NID1: variants seen among roughly 807,000 people sequenced by gnomAD.
NID1 encodes nidogen 1.
In NID1, 76 loss-of-function variants were observed where a neutral mutation model predicts 130.6. That is an observed-to-expected ratio of 0.58 (90% CI 0.48 to 0.70). The LOEUF is 0.70. NID1 is among the 30% of genes least tolerant of loss of function. NID1 has a pLI of 0.00. For missense variants in NID1, 1,517 were observed against 1,664.8 expected (o/e 0.91, Z 1.54); for synonymous variants, 665 against 675.1 (o/e 0.98, Z 0.23).
intron 1 of NID1, among the ~76,000 whole-genome samples, chr1:236,062,159 T>C (rs1660055638): frequency 6.6e-6 from 1 of 152,196 alleles, no homozygotes; most frequent in African/African-American, 2.4e-5. Flanking sequence ...AAAGACACCT[T>C]TTTATGGCCG....
At chr1:236,063,153 CAAAAA>C (rs57769010) in intron 1 of NID1, among the ~76,000 whole-genome samples, 23 of 79,688 alleles carry the variant, frequency 2.9e-4, no homozygotes, top group South Asian at 1.9e-3. Flanking sequence ...GACTTCATCT[CAAAAA>C]AAAAAAAAAA....
chr1:235,985,614 G>A, intron 14 of NID1, 109 bp from the exon 15 acceptor site: 1 of 1,309,674 alleles, frequency 7.6e-7, no homozygotes, highest in South Asian at 1.4e-5. Context: ...GAAGTGTCAA[G>A]TGTTTTGTTC....
At chr1:236,004,266 C>A (rs530848948) in intron 12 of NID1, among the ~76,000 whole-genome samples, 1 of 152,168 alleles carries the variant, frequency 6.6e-6, no homozygotes, top group African/African-American at 2.4e-5. Flanking sequence ...CCATGGGTAG[C>A]ATTTACAAAG....
At position 236,048,846 on chromosome 1, in the gene NID1, T is replaced by C. The variant is rs377743582; in HGVS notation, c.369A>G (p.Arg123=). The change falls in exon 2 of 20, where the codon CGA becomes CGG. Residue 123 remains arginine (R), a synonymous_variant. Transcript: ENST00000264187. ...TTDGLGKVYY[R]EDLSPSITQR... ...GAGTGATGGAGGGGGATAAGTCTTC[T>C]CGATAATAAACCTTCCCCAGGCCAT... 1.2e-6 allele frequency: 2 copies of C among 1,613,956 alleles called. No individual in the cohort carries two copies. Among genetic ancestry groups the C allele is most frequent in the Non-Finnish European group, 1.7e-6 (2 of 1,180,014 alleles).
intron 17 of NID1, 123 bp from the exon 18 acceptor site, chr1:235,980,068 G>T: frequency 8.9e-7 from 1 of 1,128,620 alleles, no homozygotes; most frequent in Non-Finnish European, 1.3e-6. Flanking sequence ...AAGTCCCAGA[G>T]AACACATGAG....
At chr1:236,023,940 C>T in intron 9 of NID1, 130 bp downstream of exon 9, 1 of 1,201,442 alleles carries the variant, frequency 8.3e-7, no homozygotes, top group Non-Finnish European at 1.2e-6. Flanking sequence ...ATAATTCAGG[C>T]CTGGCATGTC....
chr1:236,013,999 C>T (rs548242758), intron 10 of NID1, among the ~76,000 whole-genome samples: 9 of 152,300 alleles, frequency 5.9e-5, no homozygotes, highest in African/African-American at 2.2e-4. Context: ...TGTCTTCAGC[C>T]TTGGCCCACC....
chr1:236,042,750 C>T (rs1393266071), intron 3 of NID1, among the ~76,000 whole-genome samples: 2 of 152,156 alleles, frequency 1.3e-5, no homozygotes, highest in African/African-American at 4.8e-5. Flanking sequence ...CATTCTGAAA[C>T]AAGAGCTCCT....
At chr1:236,011,307 T>TTTTC (rs1558431771) in intron 12 of NID1, among the ~76,000 whole-genome samples, 10 of 94,522 alleles carry the variant, frequency 1.1e-4, no homozygotes, top group Non-Finnish European at 1.4e-4. Context: ...TTTTTTTTTC[T>TTTTC]TTTTTTTTTT....
chr1:235,997,032 C>T (rs1277269662), intron 12 of NID1, among the ~76,000 whole-genome samples: 18 of 152,078 alleles, frequency 1.2e-4, no homozygotes, highest in Non-Finnish European at 1.5e-5. Context: ...TGGGGTTTCA[C>T]CATGTTGGTC....
At chr1:236,064,064 C>T (rs1660120852) in intron 1 of NID1, among the ~76,000 whole-genome samples, 1 of 152,194 alleles carries the variant, frequency 6.6e-6, no homozygotes. Flanking sequence ...CAACCCCCCA[C>T]ACTTCTGGAA....
At chr1:235,998,041 A>T (rs895038688) in intron 12 of NID1, among the ~76,000 whole-genome samples, 1 of 152,204 alleles carries the variant, frequency 6.6e-6, no homozygotes. Context: ...GTGGGAGGTG[A>T]CGAGACAAGG....
At chr1:235,980,036 AG>A in intron 17 of NID1, 91 bp from the exon 18 acceptor site, 1 of 1,412,564 alleles carries the variant, frequency 7.1e-7, no homozygotes, top group Non-Finnish European at 1.0e-6. Flanking sequence ...CAAGAGTGGG[AG>A]AAATTAAGCA....
chr1:236,052,030 A>T (rs936615200), intron 1 of NID1, among the ~76,000 whole-genome samples: 1 of 152,236 alleles, frequency 6.6e-6, no homozygotes, highest in African/African-American at 2.4e-5. Context: ...AGCTAATTTT[A>T]CTGAACATTC....
At chr1:236,032,820 C>T (rs867658668) in intron 5 of NID1, among the ~76,000 whole-genome samples, 168 bp from the exon 6 acceptor site, 3 of 152,158 alleles carry the variant, frequency 2.0e-5, no homozygotes, top group African/African-American at 7.2e-5. Flanking sequence ...CTGAGACTAC[C>T]CACAACTGTA....
At position 235,993,728 on chromosome 1, in the gene NID1, C is replaced by T; in HGVS notation, c.2672G>A (p.Gly891Asp). 1 of 1,611,912 alleles carries T rather than the reference C, an allele frequency of 6.2e-7. No individual in the cohort carries two copies. The highest frequency in any genetic ancestry group is 8.5e-7 in the Non-Finnish European group (1 of 1,178,734). The change falls in exon 13 of 20, where the codon GGC becomes GAC. Residue 891 changes from glycine (G) to aspartate (D), a missense_variant. Transcript: ENST00000264187. ...CACGCACCAGCAGTAGCCGGTGCTG[C>T]CGTGGCACTGGGTGGGCGCGTAGTG... The part of the protein sequence containing the change: ...HGHYAPTQCH[G>D]STGYCWCVDR...
At chr1:235,999,015 T>G (rs1658005117) in intron 12 of NID1, among the ~76,000 whole-genome samples, 1 of 152,214 alleles carries the variant, frequency 6.6e-6, no homozygotes, top group Non-Finnish European at 1.5e-5. Flanking sequence ...GTCTGGCATC[T>G]GGCGTCCACA....
chr1:236,049,630 G>A (rs1470186614), intron 1 of NID1, among the ~76,000 whole-genome samples: 1 of 152,190 alleles, frequency 6.6e-6, no homozygotes, highest in East Asian at 1.9e-4. Flanking sequence ...GGGCATTATG[G>A]TATCACTAAT....
chr1:236,049,340 T>C (rs2102846144), intron 1 of NID1, among the ~76,000 whole-genome samples: 1 of 152,200 alleles, frequency 6.6e-6, no homozygotes, highest in Middle Eastern at 3.4e-3. Flanking sequence ...TTAGCCAGGC[T>C]TGGTAGCTCG....
Sources: allele counts gnomAD v4.1 joint callset (sites outside exome capture counted in the v4.1 genomes callset), GRCh38; gene constraint gnomAD v4.1.1; transcripts MANE v1.5; gene names NCBI Gene and HGNC (gene_info 2026-07-23, HGNC 2026-07-21).